Variants in DOCK1 observed in about 807,000 individuals in gnomAD.
DOCK1 encodes the protein dedicator of cytokinesis protein 1.
Under a neutral mutation model 262.7 loss-of-function variants are expected in DOCK1, and 138 were observed. The observed-to-expected ratio is 0.53, with a 90% CI of 0.46 to 0.61. The LOEUF is 0.61. Ranked by LOEUF, DOCK1 falls within the 20% of genes least tolerant of loss-of-function variation. DOCK1 has a pLI of 0.00. For synonymous variants in DOCK1, 866 were observed against 867.4 expected, an observed-to-expected ratio of 1.00 and a Z score of 0.03; for missense variants, 1,908 against 2,370.7, an observed-to-expected ratio of 0.80 and a Z score of 4.05.
At chr10:127,299,503 G>T (rs1051466281) in intron 29 of DOCK1, among the ~76,000 whole-genome samples, 2 of 152,210 alleles carry the variant, frequency 1.3e-5, no homozygotes, top group Non-Finnish European at 1.5e-5. Context: ...GTGGATCAGA[G>T]TGAAACATCT....
At chr10:127,154,481 A>G (rs547929893) in intron 27 of DOCK1, among the ~76,000 whole-genome samples, 43 of 152,396 alleles carry the variant, frequency 2.8e-4, no homozygotes, top group African/African-American at 1.0e-3. Context: ...TTCAGTGTCC[A>G]TGAATAAAGT....
Position 127,177,508 on chromosome 10 carries a change from G to T in DOCK1, c.2847+49744G>T, listed in dbSNP as rs989028389. On this transcript the variant is annotated intron_variant, in intron 27 of 51. Coordinates refer to ENST00000623213, the MANE Select transcript of DOCK1 (RefSeq NM_001290223.2). ...GAGGCTTCGCCTTTTCCCCCCTTGTGTTTGAGAAGAAAACAGTCAAACGGA... is the reference window on the plus strand; with the variant it reads ...GAGGCTTCGCCTTTTCCCCCCTTGTTTTTGAGAAGAAAACAGTCAAACGGA... Among the ~76,000 whole-genome samples the T allele has an allele frequency of 5.3e-5, 8 of 152,214 alleles. 1 individual carries two copies. The South Asian group carries it at 1.7e-3, about 32-fold the overall frequency.
intron 31 of DOCK1, among the ~76,000 whole-genome samples, chr10:127,354,353 G>A (rs2064032202): frequency 6.6e-6 from 1 of 152,222 alleles, no homozygotes; most frequent in South Asian, 2.1e-4. Flanking sequence ...CGACATGCAT[G>A]GAACCAAGCT....
intron 38 of DOCK1, among the ~76,000 whole-genome samples, chr10:127,396,770 A>AAAG (rs1455914808): frequency 1.3e-5 from 2 of 151,808 alleles, no homozygotes; most frequent in African/African-American, 2.4e-5. Flanking sequence ...AAAAAAAAAA[A>AAAG]AAATCTTCAT....
chr10:127,016,742 C>CACACAA (rs151223827), intron 12 of DOCK1, among the ~76,000 whole-genome samples: 56,607 of 145,368 alleles, frequency 0.39, 10,947 homozygotes, highest in African/African-American at 0.46. Flanking sequence ...ACCACACACA[C>CACACAA]ACACACTAAC....
chr10:127,023,056 G>A (rs1224735262), intron 13 of DOCK1, 144 bp from the exon 14 acceptor site: 4 of 1,023,832 alleles, frequency 3.9e-6, no homozygotes, highest in Non-Finnish European at 5.4e-6. Flanking sequence ...TTTAAATGGT[G>A]AGACTGTTTT....
chr10:127,151,821 A>G (rs1401064832), intron 27 of DOCK1, among the ~76,000 whole-genome samples: 1 of 152,148 alleles, frequency 6.6e-6, no homozygotes, highest in Admixed American at 6.5e-5. Flanking sequence ...TGGCTGATGT[A>G]TTCGGATTCA....
chr10:127,252,379 T>C (rs1180055951), intron 28 of DOCK1, among the ~76,000 whole-genome samples: 2 of 151,110 alleles, frequency 1.3e-5, no homozygotes, highest in Non-Finnish European at 3.0e-5. Flanking sequence ...GTGCAGAAGC[T>C]CTTTAGTTTA....
chr10:127,049,613 T>C (rs1031268234), intron 21 of DOCK1, among the ~76,000 whole-genome samples: 2 of 152,122 alleles, frequency 1.3e-5, no homozygotes, highest in African/African-American at 4.8e-5. Context: ...AAGTAAATAA[T>C]TTGATAATAT....
At chr10:127,299,474 A>G (rs2061610689) in intron 29 of DOCK1, among the ~76,000 whole-genome samples, 1 of 152,214 alleles carries the variant, frequency 6.6e-6, no homozygotes, top group South Asian at 2.1e-4. Flanking sequence ...CACAGGAAAA[A>G]TGCTGTGTGA....
intron 46 of DOCK1, among the ~76,000 whole-genome samples, chr10:127,421,842 G>T (rs1343188570): frequency 6.6e-6 from 1 of 152,158 alleles, no homozygotes; most frequent in African/African-American, 2.4e-5. Flanking sequence ...CCATTATAGG[G>T]CTAGACCGCA....
In DOCK1 at chr10:127,407,209, G is replaced by A. The variant is rs1006847831; in HGVS notation, c.4123-1828G>A. Among the ~76,000 whole-genome samples the A allele has an allele frequency of 5.3e-5, 8 of 152,134 alleles. No homozygotes were observed. The South Asian group carries it at 6.2e-4, about 12-fold the overall frequency. On this transcript the variant is annotated intron_variant, in intron 40 of 51. Transcript: ENST00000623213. Reference sequence around the variant, plus strand: ...ACTGTCTTAGTCCACTGGGGCTGCTGTAACAAAATACCTTAGACTGGGTAC... The same window carrying A: ...ACTGTCTTAGTCCACTGGGGCTGCTATAACAAAATACCTTAGACTGGGTAC...
chr10:126,982,015 T>A, intron 4 of DOCK1, 42 bp downstream of exon 4: 1 of 1,599,618 alleles, frequency 6.3e-7, no homozygotes, highest in Non-Finnish European at 8.6e-7. Context: ...TTGCAAGTAC[T>A]ATATTTGGCC....
chr10:127,050,704 GAA>G (rs112955723), intron 21 of DOCK1, among the ~76,000 whole-genome samples: 21 of 117,292 alleles, frequency 1.8e-4, no homozygotes, highest in South Asian at 2.8e-4. Context: ...GACTCTGTCT[GAA>G]AAAAAAAAAA....
intron 30 of DOCK1, among the ~76,000 whole-genome samples, chr10:127,342,182 C>G (rs1303622274): frequency 2.0e-5 from 3 of 152,180 alleles, no homozygotes; most frequent in African/African-American, 7.2e-5. Context: ...GGGTCCTATT[C>G]TGGCTGAGCC....
At chr10:127,352,144 G>A (rs2063907056) in intron 31 of DOCK1, among the ~76,000 whole-genome samples, 2 of 149,664 alleles carry the variant, frequency 1.3e-5, no homozygotes, top group Admixed American at 1.3e-4. Flanking sequence ...GAGAAGCACT[G>A]TGCAGGGAGG....
intron 29 of DOCK1, among the ~76,000 whole-genome samples, chr10:127,287,198 C>T (rs949592542): frequency 4.0e-5 from 6 of 148,318 alleles, no homozygotes; most frequent in South Asian, 4.2e-4. Flanking sequence ...TGAGCCACTG[C>T]GCCTGGCCTT....
intron 28 of DOCK1, among the ~76,000 whole-genome samples, chr10:127,256,922 A>G (rs182338457): frequency 2.0e-3 from 300 of 152,360 alleles, no homozygotes; most frequent in African/African-American, 7.1e-3. Context: ...AGACAGTAGT[A>G]TCCCGTATTC....
intron 1 of DOCK1, among the ~76,000 whole-genome samples, chr10:126,926,028 C>T (rs964173663): frequency 9.9e-5 from 15 of 152,100 alleles, no homozygotes; most frequent in African/African-American, 3.1e-4. Context: ...GTTAGTTAAC[C>T]GCTCTGAGCC....
Sources: allele counts gnomAD v4.1 joint callset (sites outside exome capture counted in the v4.1 genomes callset), GRCh38; gene constraint gnomAD v4.1.1; transcripts MANE v1.5; gene names NCBI Gene and HGNC (gene_info 2026-07-23, HGNC 2026-07-21).